RANBP2: variants seen among roughly 807,000 people sequenced by gnomAD.
RANBP2 encodes E3 SUMO-protein ligase RanBP2.
RANBP2 carries 57 observed loss-of-function variants against 303.6 expected under a neutral mutation model. The observed-to-expected ratio is 0.19, with a 90% CI of 0.15 to 0.23. RANBP2 has a LOEUF of 0.23. Among genes scored for constraint, RANBP2 ranks in the 10% least tolerant of loss-of-function variants. RANBP2 has a pLI of 1.00. For synonymous variants in RANBP2, 1,167 were observed against 1,301.5 expected (o/e 0.90, Z 2.23); for missense variants, 3,138 against 3,780.8 (o/e 0.83, Z 4.46).
At chr2:108,815,303 T>G in the RANBP2 span, among the ~76,000 whole-genome samples, 1 of 152,036 alleles carries the variant, frequency 6.6e-6, no homozygotes, top group Non-Finnish European at 1.5e-5. Context: ...CTAATTTTAC[T>G]TTTTTTCCAT....
chr2:108,972,976 T>A, the RANBP2 span, among the ~76,000 whole-genome samples: 3 of 152,202 alleles, frequency 2.0e-5, no homozygotes, highest in Admixed American at 6.5e-5. Flanking sequence ...TTTATTTTTT[T>A]ATTTATTTTA....
At chr2:109,678,542 A>G in the RANBP2 span, among the ~76,000 whole-genome samples, 3 of 152,252 alleles carry the variant, frequency 2.0e-5, no homozygotes, top group Non-Finnish European at 4.4e-5. Context: ...TAGCCCAGAA[A>G]GAACATTTGG....
the RANBP2 span, among the ~76,000 whole-genome samples, chr2:108,823,379 C>T: frequency 1.6e-3 from 245 of 152,270 alleles, 1 homozygote; most frequent in Non-Finnish European, 2.7e-3. Flanking sequence ...ATGCAAAAAT[C>T]CTCAACAAAA....
the RANBP2 span, among the ~76,000 whole-genome samples, chr2:109,283,984 G>C: frequency 6.6e-6 from 1 of 152,182 alleles, no homozygotes; most frequent in Non-Finnish European, 1.5e-5. Context: ...GCCCGTGGGT[G>C]TTTTTCCAGG....
At chr2:109,569,974 A>G in the RANBP2 span, among the ~76,000 whole-genome samples, 140 of 152,158 alleles carry the variant, frequency 9.2e-4, no homozygotes, top group African/African-American at 3.3e-3. Flanking sequence ...TCTCATCTTT[A>G]TGTAGTGCCC....
chr2:109,396,005 T>C, the RANBP2 span, among the ~76,000 whole-genome samples: 50 of 152,332 alleles, frequency 3.3e-4, no homozygotes, highest in East Asian at 9.4e-3. Flanking sequence ...GCTGCCATGA[T>C]TGCTGTGTAA....
the RANBP2 span, among the ~76,000 whole-genome samples, chr2:109,500,666 A>G: frequency 6.6e-6 from 1 of 152,220 alleles, no homozygotes; most frequent in African/African-American, 2.4e-5. Flanking sequence ...AAATAAGGAC[A>G]GGTTAGGCAC....
chr2:109,190,288 C>T, the RANBP2 span, among the ~76,000 whole-genome samples: 1 of 152,196 alleles, frequency 6.6e-6, no homozygotes, highest in Non-Finnish European at 1.5e-5. Context: ...ATTCTTCTGC[C>T]TCAACCTCCT....
chr2:109,532,956 C>T, the RANBP2 span, among the ~76,000 whole-genome samples: 1 of 152,140 alleles, frequency 6.6e-6, no homozygotes, highest in African/African-American at 2.4e-5. Context: ...ACTCACTGGC[C>T]AGGTGCATGC....
chr2:108,743,211 G>A (rs1283904948), intron 7 of RANBP2, among the ~76,000 whole-genome samples: 2 of 152,144 alleles, frequency 1.3e-5, no homozygotes, highest in African/African-American at 4.8e-5. Context: ...CGTTGAACTG[G>A]GCTCAAGCTT....
At chr2:109,108,462 C>G in the RANBP2 span, among the ~76,000 whole-genome samples, 1 of 152,166 alleles carries the variant, frequency 6.6e-6, no homozygotes, top group Admixed American at 6.5e-5. Context: ...ATTGGAGAAG[C>G]AAGCCCACCA....
At chr2:108,810,832 G>A in the RANBP2 span, among the ~76,000 whole-genome samples, 1 of 152,166 alleles carries the variant, frequency 6.6e-6, no homozygotes, top group Non-Finnish European at 1.5e-5. Flanking sequence ...TCTTTGTTGG[G>A]AAACTTTTTA....
At chr2:109,735,989 G>A in the RANBP2 span, among the ~76,000 whole-genome samples, 1 of 152,186 alleles carries the variant, frequency 6.6e-6, no homozygotes, top group South Asian at 2.1e-4. Flanking sequence ...TGGAGCCAAG[G>A]TAGGATTAAA....
the RANBP2 span, among the ~76,000 whole-genome samples, chr2:109,108,871 T>C: frequency 7.9e-5 from 12 of 152,172 alleles, no homozygotes; most frequent in African/African-American, 2.9e-4. Context: ...AAAAACCTTG[T>C]CTGTGAGGGT....
chr2:108,891,200 T>C, the RANBP2 span, among the ~76,000 whole-genome samples: 1 of 152,262 alleles, frequency 6.6e-6, no homozygotes, highest in Non-Finnish European at 1.5e-5. Context: ...TGCTTGAGAA[T>C]TCTGATGTTC....
In RANBP2 at chr2:108,781,286, G is replaced by A. The variant is rs913548765; in HGVS notation, c.8617G>A (p.Ala2873Thr). 2 of 1,614,038 alleles carry A rather than the reference G, an allele frequency of 1.2e-6. No homozygotes were observed. Among genetic ancestry groups the A allele is most frequent in the Non-Finnish European group, 1.7e-6 (2 of 1,180,010 alleles). The change falls in exon 26 of 29, where the codon GCA becomes ACA. Residue 2873 changes from alanine (A) to threonine (T), a missense_variant. Transcript: ENST00000283195. ...FGSKDKNFQWANTGAAVFGTQ... is the reference protein window; with the variant it reads ...FGSKDKNFQWTNTGAAVFGTQ... ...TTCATCAGATAAAAATTTCCAATGGGCAAATACTGGAGCAGCTGTGTTTGG... is the reference window on the plus strand; with the variant it reads ...TTCATCAGATAAAAATTTCCAATGGACAAATACTGGAGCAGCTGTGTTTGG...
At chr2:109,399,603 A>G in the RANBP2 span, among the ~76,000 whole-genome samples, 2 of 152,340 alleles carry the variant, frequency 1.3e-5, no homozygotes, top group Non-Finnish European at 2.9e-5. Context: ...CCCTGTCTCT[A>G]CAAGCAACCA....
the RANBP2 span, among the ~76,000 whole-genome samples, chr2:109,261,880 GCT>G: frequency 6.6e-6 from 1 of 151,990 alleles, no homozygotes. Context: ...TATTAATTGG[GCT>G]CTCTGCTGAT....
chr2:109,463,944 C>T, the RANBP2 span, among the ~76,000 whole-genome samples: 4 of 152,108 alleles, frequency 2.6e-5, no homozygotes, highest in African/African-American at 7.2e-5. Context: ...AAGAGGCACC[C>T]GTACAAAGTG....
Sources: allele counts gnomAD v4.1 joint callset (sites outside exome capture counted in the v4.1 genomes callset), GRCh38; gene constraint gnomAD v4.1.1; transcripts MANE v1.5; gene names NCBI Gene and HGNC (gene_info 2026-07-23, HGNC 2026-07-21).